The following SORCS1 variants were observed in gnomAD, a reference collection of about 807,000 sequenced individuals.
SORCS1 encodes the protein VPS10 domain-containing receptor SorCS1.
A neutral mutation model predicts 146.1 loss-of-function variants in SORCS1; 60 were observed. That is an observed-to-expected ratio of 0.41 (90% CI 0.33 to 0.51). The LOEUF is 0.51. Ranked by LOEUF, SORCS1 falls within the 20% of genes least tolerant of loss-of-function variation. The pLI is 0.21. For missense variants in SORCS1, 1,352 were observed against 1,487.6 expected, an observed-to-expected ratio of 0.91 and a Z score of 1.50; for synonymous variants, 637 against 584.0, an observed-to-expected ratio of 1.09 and a Z score of -1.31.
intron 1 of SORCS1, among the ~76,000 whole-genome samples, chr10:107,046,331 A>G (rs963229206): frequency 1.3e-5 from 2 of 152,066 alleles, no homozygotes; most frequent in Non-Finnish European, 2.9e-5. Context: ...CTTGGCCTCT[A>G]AAAGTACTGA....
chr10:107,092,452 G>A (rs551589422), intron 1 of SORCS1, among the ~76,000 whole-genome samples: 2 of 152,264 alleles, frequency 1.3e-5, no homozygotes, highest in South Asian at 4.1e-4. Context: ...ATAGGGCTTG[G>A]CACACACTTA....
chr10:106,994,524 T>C lies in SORCS1; in HGVS notation c.559-37944A>G, dbSNP rs551222376. ...GCCAACAGACAGTTTGGAAAAGGAC[T>C]CTGAAACCATTTTGTTCTTGAAAAT... On this transcript the variant is annotated intron_variant, in intron 1 of 25. Coordinates refer to ENST00000263054, the MANE Select transcript of SORCS1 (RefSeq NM_052918.5). 2.7e-4 allele frequency among the ~76,000 whole-genome samples: 41 copies of C among 152,336 alleles called. No individual in the cohort carries two copies. The South Asian group carries it at 8.5e-3, about 32-fold the overall frequency.
intron 5 of SORCS1, among the ~76,000 whole-genome samples, chr10:106,741,409 G>A (rs2136107470): frequency 6.6e-6 from 1 of 152,212 alleles, no homozygotes; most frequent in Middle Eastern, 3.4e-3. Flanking sequence ...GACCAGCCTA[G>A]CCAACATGGT....
intron 1 of SORCS1, among the ~76,000 whole-genome samples, chr10:107,094,232 G>A (rs1393676271): frequency 1.3e-5 from 2 of 151,652 alleles, no homozygotes; most frequent in East Asian, 3.9e-4. Context: ...GTGTCATATG[G>A]TAATTGTTTA....
intron 18 of SORCS1, among the ~76,000 whole-genome samples, chr10:106,647,843 G>A (rs568660289): frequency 1.3e-5 from 2 of 152,210 alleles, no homozygotes; most frequent in South Asian, 4.1e-4. Flanking sequence ...ACTGATATTT[G>A]AGTATATATC....
chr10:106,687,046 T>C (rs1051601090), intron 10 of SORCS1, among the ~76,000 whole-genome samples: 3 of 152,236 alleles, frequency 2.0e-5, no homozygotes, highest in African/African-American at 7.2e-5. Flanking sequence ...TTTTTCTAAA[T>C]GTAGACACAA....
At chr10:106,786,469 A>G (rs990893248) in intron 3 of SORCS1, among the ~76,000 whole-genome samples, 3 of 152,158 alleles carry the variant, frequency 2.0e-5, no homozygotes, top group African/African-American at 7.2e-5. Context: ...CTTATATAGC[A>G]GTGGTTTCCT....
At chr10:106,739,847 G>C (rs1857238092) in intron 5 of SORCS1, among the ~76,000 whole-genome samples, 1 of 151,634 alleles carries the variant, frequency 6.6e-6, no homozygotes, top group African/African-American at 2.4e-5. Context: ...AGCTACTTGG[G>C]AGGCTGAGGC....
At chr10:106,644,297 A>G (rs1849264258) in intron 18 of SORCS1, among the ~76,000 whole-genome samples, 1 of 152,000 alleles carries the variant, frequency 6.6e-6, no homozygotes. Context: ...AGTACACTCA[A>G]AGTTCTCCAA....
At chr10:106,802,417 T>C (rs1388065166) in intron 3 of SORCS1, among the ~76,000 whole-genome samples, 13 of 151,920 alleles carry the variant, frequency 8.6e-5, no homozygotes, top group Admixed American at 7.9e-4. Context: ...CTGCAACCTC[T>C]GCCTCCCGGG....
chr10:106,950,547 C>T (rs898364544), intron 2 of SORCS1, among the ~76,000 whole-genome samples: 2 of 152,116 alleles, frequency 1.3e-5, no homozygotes, highest in African/African-American at 2.4e-5. Flanking sequence ...CAGAATGTTA[C>T]AGCACGTAGA....
intron 1 of SORCS1, among the ~76,000 whole-genome samples, chr10:106,970,769 G>A (rs111226166): frequency 0.3 from 45,632 of 150,090 alleles, 7,022 homozygotes; most frequent in Middle Eastern, 0.38. Flanking sequence ...ACTGAGTTTT[G>A]CTCTTGTTGC....
chr10:107,068,385 G>T (rs1962101472), intron 1 of SORCS1, among the ~76,000 whole-genome samples: 2 of 152,106 alleles, frequency 1.3e-5, no homozygotes, highest in East Asian at 3.9e-4. Context: ...AATTCCTCAG[G>T]ATATTATGAA....
At chr10:106,647,007 GTATATATATATATATA>G (rs57891596) in intron 18 of SORCS1, among the ~76,000 whole-genome samples, 9 of 134,226 alleles carry the variant, frequency 6.7e-5, no homozygotes, top group African/African-American at 1.9e-4. Context: ...GTTTGTATGT[GTATATATATATATATA>G]TATATATATA....
At chr10:106,745,835 C>T (rs1857694841) in intron 5 of SORCS1, among the ~76,000 whole-genome samples, 1 of 152,144 alleles carries the variant, frequency 6.6e-6, no homozygotes, top group Non-Finnish European at 1.5e-5. Context: ...GCCCCCTTCA[C>T]CAAGTGATCA....
chr10:106,673,394 G>A (rs1430640048), intron 14 of SORCS1, among the ~76,000 whole-genome samples: 2 of 152,170 alleles, frequency 1.3e-5, no homozygotes, highest in Non-Finnish European at 2.9e-5. Context: ...GCCTCCCAAA[G>A]TGCTAGATTA....
At chr10:106,605,043 G>C (rs1846477844) in intron 23 of SORCS1, among the ~76,000 whole-genome samples, 1 of 152,214 alleles carries the variant, frequency 6.6e-6, no homozygotes, top group Admixed American at 6.5e-5. Context: ...ACGTAAACCT[G>C]TGTTCTAACA....
intron 2 of SORCS1, among the ~76,000 whole-genome samples, chr10:106,834,672 T>C (rs951652353): frequency 1.3e-5 from 2 of 152,178 alleles, no homozygotes; most frequent in East Asian, 1.9e-4. Context: ...ACTGTTGTAA[T>C]AGAAAAACAA....
At chr10:106,737,722 A>G (rs1857062520) in intron 5 of SORCS1, among the ~76,000 whole-genome samples, 1 of 152,100 alleles carries the variant, frequency 6.6e-6, no homozygotes, top group African/African-American at 2.4e-5. Context: ...AAAAAGGATA[A>G]AAGTATGTGG....
Sources: allele counts gnomAD v4.1 joint callset (sites outside exome capture counted in the v4.1 genomes callset), GRCh38; gene constraint gnomAD v4.1.1; transcripts MANE v1.5; gene names NCBI Gene and HGNC (gene_info 2026-07-23, HGNC 2026-07-21).